Variants in CSMD2 observed in about 807,000 individuals in gnomAD.
The protein encoded by CSMD2 is CUB and Sushi multiple domains 2.
CSMD2 carries 130 observed loss-of-function variants against 398.5 expected under a neutral mutation model. The ratio of observed to expected loss-of-function variants is 0.33; its 90% CI spans 0.28 to 0.38. The LOEUF is 0.38. Ranked by LOEUF, CSMD2 falls within the 10% of genes least tolerant of loss-of-function variation. The pLI, the probability that CSMD2 is intolerant of heterozygous loss-of-function variation, is 1.00. For synonymous variants in CSMD2, 1,828 were observed against 1,908.5 expected (o/e 0.96, Z 1.10); for missense variants, 3,829 against 4,764.9 (o/e 0.80, Z 5.78).
At chr1:33,517,151 T>TA (rs563242870) in intron 70 of CSMD2, among the ~76,000 whole-genome samples, 2 of 151,900 alleles carry the variant, frequency 1.3e-5, no homozygotes, top group Non-Finnish European at 2.9e-5. Flanking sequence ...TGGCATTATT[T>TA]AAAAAAAAAT....
chr1:34,102,201 T>G (rs974351456), intron 1 of CSMD2, among the ~76,000 whole-genome samples: 2 of 152,178 alleles, frequency 1.3e-5, no homozygotes, highest in Admixed American at 6.5e-5. Context: ...CGGCTAATTT[T>G]TTTTACTTTT....
chr1:33,971,890 A>C (rs1645784526), intron 3 of CSMD2, among the ~76,000 whole-genome samples: 2 of 152,202 alleles, frequency 1.3e-5, no homozygotes, highest in South Asian at 2.1e-4. Context: ...GGGTGGTTAG[A>C]GAGAGGCAGC....
intron 6 of CSMD2, among the ~76,000 whole-genome samples, chr1:33,844,302 A>C (rs1661154774): frequency 6.6e-6 from 1 of 151,794 alleles, no homozygotes; most frequent in Non-Finnish European, 1.5e-5. Context: ...GGGCGCTGCT[A>C]ATGGCTGCTG....
intron 52 of CSMD2, among the ~76,000 whole-genome samples, chr1:33,568,335 C>A (rs1189542005): frequency 1.3e-5 from 2 of 152,052 alleles, no homozygotes; most frequent in Non-Finnish European, 2.9e-5. Flanking sequence ...CTACAGGCAT[C>A]CACCACCATA....
At chr1:34,154,201 C>T (rs1229921623) in intron 1 of CSMD2, among the ~76,000 whole-genome samples, 1 of 152,170 alleles carries the variant, frequency 6.6e-6, no homozygotes, top group East Asian at 1.9e-4. Context: ...GCACTTTACA[C>T]TCCTAAAAAT....
At chr1:33,878,557 G>A (rs550556754) in intron 5 of CSMD2, among the ~76,000 whole-genome samples, 1 of 152,364 alleles carries the variant, frequency 6.6e-6, no homozygotes, top group Admixed American at 6.5e-5. Flanking sequence ...TGATCTGACA[G>A]TGGCAGCAAG....
chr1:33,709,110 G>T lies in CSMD2; in HGVS notation c.3555C>A (p.Leu1185=), dbSNP rs1645900845. The change falls in exon 22 of 71, where the codon CTC becomes CTA. Residue 1185 remains leucine, a synonymous_variant. Transcript: ENST00000373381. ...GIQLKARAFE[L]SEGDVLKVYD... is the part of the protein sequence containing the mutation. ...TTACCTTGAGGACATCTCCTTCGGA[G>T]AGTTCGAATGCCCTGGCTTTCAGCT... 1 of 1,613,576 alleles carries T rather than the reference G, an allele frequency of 6.2e-7. No homozygotes were observed.
intron 23 of CSMD2, among the ~76,000 whole-genome samples, chr1:33,699,188 T>G (rs1645524429): frequency 6.6e-6 from 1 of 152,250 alleles, no homozygotes; most frequent in Non-Finnish European, 1.5e-5. Context: ...GCCTAAGGTC[T>G]GCATTTTCTA....
chr1:33,903,810 G>T (rs1642906930), intron 5 of CSMD2, among the ~76,000 whole-genome samples: 1 of 152,188 alleles, frequency 6.6e-6, no homozygotes, highest in African/African-American at 2.4e-5. Context: ...GCATGGACGG[G>T]AAAGTCTTTT....
chr1:34,108,793 G>A (rs980931767), intron 1 of CSMD2, among the ~76,000 whole-genome samples: 5 of 152,170 alleles, frequency 3.3e-5, no homozygotes, highest in African/African-American at 1.2e-4. Flanking sequence ...TGGGCCAGAC[G>A]GAACCACAGT....
At chr1:33,975,486 TACACACAC>T (rs57095754) in intron 3 of CSMD2, among the ~76,000 whole-genome samples, 1 of 146,360 alleles carries the variant, frequency 6.8e-6, no homozygotes, top group South Asian at 2.3e-4. Flanking sequence ...CTCCCAAGTG[TACACACAC>T]ACACACACAC....
At chr1:33,600,423 C>T (rs750660853) in intron 44 of CSMD2, 6 of 557,902 alleles carry the variant, frequency 1.1e-5, no homozygotes, top group Non-Finnish European at 1.9e-5. Context: ...ATTGTTCATA[C>T]TCTTCCTACT....
chr1:33,906,902 G>A (rs6425861), intron 5 of CSMD2, among the ~76,000 whole-genome samples: 72,373 of 151,648 alleles, frequency 0.48, 17,449 homozygotes, highest in East Asian at 0.63. Flanking sequence ...AAGGAGACAC[G>A]GAAGGAATGG....
chr1:34,083,076 A>C lies in CSMD2; in HGVS notation c.404+5901T>G, dbSNP rs183611144. On this transcript the variant is annotated intron_variant, in intron 2 of 70. Transcript: ENST00000373381. ...CCAAGAATGATCAATAAATACTAAA[A>C]AAATTAAAAAAAAAAAAAAAGAAAT... Among the ~76,000 whole-genome samples the C allele has an allele frequency of 6.0e-3, 892 of 148,786 alleles. 9 individuals are homozygous for C. The highest frequency in any genetic ancestry group is 0.053 in the East Asian group (271 of 5,146).
At chr1:34,001,133 A>G (rs1433070483) in intron 3 of CSMD2, among the ~76,000 whole-genome samples, 1 of 152,200 alleles carries the variant, frequency 6.6e-6, no homozygotes, top group Non-Finnish European at 1.5e-5. Context: ...GAACTTGGCA[A>G]GCAAACTTGG....
chr1:33,955,533 C>T (rs1426059772), intron 3 of CSMD2, among the ~76,000 whole-genome samples: 2 of 152,184 alleles, frequency 1.3e-5, no homozygotes, highest in African/African-American at 4.8e-5. Flanking sequence ...AGACAGACCA[C>T]GTTTTGATCT....
intron 10 of CSMD2, among the ~76,000 whole-genome samples, chr1:33,798,533 G>A (rs1285562036): frequency 6.6e-6 from 1 of 152,218 alleles, no homozygotes; most frequent in Non-Finnish European, 1.5e-5. Flanking sequence ...GCTCAGCCCA[G>A]GCTACACTGT....
intron 3 of CSMD2, among the ~76,000 whole-genome samples, chr1:34,027,902 A>G (rs1649873829): frequency 6.7e-6 from 1 of 149,970 alleles, no homozygotes; most frequent in African/African-American, 2.4e-5. Context: ...ATGGGCAGAC[A>G]TGGGAGTCAG....
chr1:33,734,078 T>C (rs1383733655), intron 15 of CSMD2, among the ~76,000 whole-genome samples: 1 of 152,214 alleles, frequency 6.6e-6, no homozygotes, highest in African/African-American at 2.4e-5. Context: ...ATGCAGTAAC[T>C]ACCCTTATAG....
Sources: gnomAD v4.1 joint callset for allele counts (sites outside exome capture counted in the v4.1 genomes callset) on GRCh38, gnomAD v4.1.1 for gene constraint, MANE v1.5 for transcripts, NCBI Gene and HGNC (gene_info 2026-07-23, HGNC 2026-07-21) for gene names.